MAPKAP1: variants seen among roughly 807,000 people sequenced by gnomAD.
MAPKAP1 encodes target of rapamycin complex 2 subunit MAPKAP1.
Under a neutral mutation model 65.7 loss-of-function variants are expected in MAPKAP1, and 20 were observed. The observed-to-expected ratio is 0.30, with a 90% CI of 0.21 to 0.44. The LOEUF (loss-of-function observed/expected upper bound fraction) is 0.44, where lower values mean the gene tolerates loss of function less well. Ranked by LOEUF, MAPKAP1 falls within the 20% of genes least tolerant of loss-of-function variation. MAPKAP1 has a pLI of 1.00. For synonymous variants in MAPKAP1, 222 were observed against 244.3 expected (o/e 0.91, Z 0.85); for missense variants, 423 against 648.0 (o/e 0.65, Z 3.77).
At chr9:125,522,080 T>C (rs1429496523) in intron 7 of MAPKAP1, among the ~76,000 whole-genome samples, 2 of 152,238 alleles carry the variant, frequency 1.3e-5, no homozygotes, top group African/African-American at 4.8e-5. Context: ...GATTATTCTT[T>C]GGCTAGCTTG....
intron 7 of MAPKAP1, among the ~76,000 whole-genome samples, chr9:125,541,505 A>T (rs1354823064): frequency 6.6e-6 from 1 of 152,204 alleles, no homozygotes; most frequent in Non-Finnish European, 1.5e-5. Flanking sequence ...AAGAGTAAAG[A>T]ACCAGGATCC....
chr9:125,581,861 C>T (rs191529335), intron 5 of MAPKAP1, among the ~76,000 whole-genome samples: 1 of 151,942 alleles, frequency 6.6e-6, no homozygotes, highest in African/African-American at 2.4e-5. Context: ...AAAGTCTCTT[C>T]TTCCGCCATT....
At chr9:125,594,559 C>A (rs1173214559) in intron 4 of MAPKAP1, among the ~76,000 whole-genome samples, 3 of 152,206 alleles carry the variant, frequency 2.0e-5, no homozygotes, top group Non-Finnish European at 2.9e-5. Context: ...AAACATAGCT[C>A]TTCTTCTGTC....
intron 7 of MAPKAP1, among the ~76,000 whole-genome samples, chr9:125,510,698 G>A (rs944001773): frequency 1.3e-5 from 2 of 152,214 alleles, no homozygotes; most frequent in African/African-American, 2.4e-5. Flanking sequence ...CAACCTGGGG[G>A]AAGGCAGGGT....
intron 5 of MAPKAP1, among the ~76,000 whole-genome samples, chr9:125,577,061 T>C (rs1435589574): frequency 2.9e-4 from 43 of 147,972 alleles, no homozygotes; most frequent in Non-Finnish European, 6.1e-4. Flanking sequence ...CGCCATCCCA[T>C]CTAGGAAGTG....
chr9:125,639,762 G>T (rs1284659299), intron 4 of MAPKAP1, among the ~76,000 whole-genome samples: 1 of 152,166 alleles, frequency 6.6e-6, no homozygotes, highest in Non-Finnish European at 1.5e-5. Flanking sequence ...GGAGAAAGAA[G>T]TTTACATGGC....
chr9:125,486,573 T>C (rs554317122), intron 8 of MAPKAP1, among the ~76,000 whole-genome samples: 9 of 152,362 alleles, frequency 5.9e-5, no homozygotes, highest in Admixed American at 5.9e-4. Flanking sequence ...GCAAGTATTT[T>C]AAGTCAAAGT....
At chr9:125,495,368 C>A (rs1325363039) in intron 8 of MAPKAP1, among the ~76,000 whole-genome samples, 2 of 152,190 alleles carry the variant, frequency 1.3e-5, no homozygotes, top group South Asian at 2.1e-4. Context: ...AGGAGCCTAT[C>A]AGAGGGATGC....
intron 4 of MAPKAP1, among the ~76,000 whole-genome samples, chr9:125,644,458 A>C (rs989744717): frequency 1.3e-5 from 2 of 152,240 alleles, no homozygotes; most frequent in African/African-American, 2.4e-5. Flanking sequence ...AATCACTGCT[A>C]ATGTTAAGAG....
Position 125,698,314 on chromosome 9 carries a change from TATATATATATATATATATATATAA to T in MAPKAP1, c.-70+8633_-70+8656del, listed in dbSNP as rs1564622545. Reference sequence around the variant, plus strand: ...ATATATATATATATATATATATATATATATATATATATATATATATATAAAATATATATATTTTTTGAGATGGAG... The same window carrying T: ...ATATATATATATATATATATATATATAATATATATATTTTTTGAGATGGAG... On this transcript the variant is annotated intron_variant, in intron 1 of 11. Transcript: ENST00000265960. Among the ~76,000 whole-genome samples the T allele has an allele frequency of 1.4e-4, 8 of 56,318 alleles. 1 individual carries two copies. In the South Asian group the frequency reaches 3.1e-3, roughly 22 times the overall value. 36.9% of individuals were successfully genotyped at this position (56,318 alleles called of 152,430 possible).
intron 4 of MAPKAP1, among the ~76,000 whole-genome samples, chr9:125,593,878 T>C (rs1468134177): frequency 6.6e-6 from 1 of 152,248 alleles, no homozygotes; most frequent in African/African-American, 2.4e-5. Context: ...CTCCCTGACC[T>C]GATGGCTTTG....
intron 5 of MAPKAP1, among the ~76,000 whole-genome samples, chr9:125,584,961 A>C (rs1324799960): frequency 6.6e-6 from 1 of 152,220 alleles, no homozygotes; most frequent in African/African-American, 2.4e-5. Flanking sequence ...CTAGTGACTG[A>C]GAGAAAATTA....
At chr9:125,661,278 T>C (rs1302415873) in intron 3 of MAPKAP1, among the ~76,000 whole-genome samples, 1 of 152,138 alleles carries the variant, frequency 6.6e-6, no homozygotes, top group African/African-American at 2.4e-5. Context: ...ATTCGGAAGA[T>C]CAAGGAAAAT....
intron 10 of MAPKAP1, among the ~76,000 whole-genome samples, chr9:125,451,895 C>T (rs1281958990): frequency 2.6e-5 from 4 of 151,298 alleles, no homozygotes; most frequent in East Asian, 1.9e-4. Flanking sequence ...CTGCAACCTC[C>T]GCCTCCCAAG....
In MAPKAP1 at chr9:125,707,175, A is replaced by G; in HGVS notation, c.-274T>C. 5.0e-6 allele frequency: 2 copies of G among 397,578 alleles called. No individual in the cohort carries two copies. The highest frequency in any genetic ancestry group is 4.4e-6 in the Non-Finnish European group (1 of 225,472). 24.6% of individuals were successfully genotyped at this position (397,578 alleles called of 1,614,324 possible). A position where few individuals can be genotyped will look rare whatever the true frequency, so the allele number is the denominator to read the frequency against. On this transcript the variant is annotated 5_prime_UTR_variant, in exon 1 of 12. Transcript: ENST00000265960. ...GCTGCTCGCCGCCGCCGGCCGGCCG[A>G]GCAGCAGCCCTATTACCCCGAGCCG...
intron 8 of MAPKAP1, among the ~76,000 whole-genome samples, chr9:125,488,437 C>A (rs536828573): frequency 3.7e-4 from 57 of 152,302 alleles, no homozygotes; most frequent in African/African-American, 1.3e-3. Context: ...GAGATCTTGG[C>A]TCACTGCAAC....
At chr9:125,681,435 T>G (rs1018263079) in intron 1 of MAPKAP1, among the ~76,000 whole-genome samples, 1 of 152,218 alleles carries the variant, frequency 6.6e-6, no homozygotes, top group East Asian at 1.9e-4. Context: ...GATTAAGTCA[T>G]CAGGGACAAG....
rs1833256985 is a variant in MAPKAP1, at chr9:125,630,768, G to A, written c.498+26883C>T. Among the ~76,000 whole-genome samples, 3 of 152,186 alleles carry A rather than the reference G, an allele frequency of 2.0e-5. No individual in the cohort carries two copies. The South Asian group carries it at 6.2e-4, about 32-fold the overall frequency. On this transcript the variant is annotated intron_variant, in intron 4 of 11. Transcript: ENST00000265960. ...AATGGGAGGTGTTTGGATCATGGAG[G>A]CAGATCCCTCATGAATAAATTAATA...
intron 6 of MAPKAP1, among the ~76,000 whole-genome samples, chr9:125,545,617 G>A (rs138813992): frequency 7.7e-4 from 117 of 152,256 alleles, no homozygotes; most frequent in Non-Finnish European, 1.3e-3. Context: ...ATCTGCTGCC[G>A]GCTGACAGCA....
Sources: gnomAD v4.1 joint callset for allele counts (sites outside exome capture counted in the v4.1 genomes callset) on GRCh38, gnomAD v4.1.1 for gene constraint, MANE v1.5 for transcripts, NCBI Gene and HGNC (gene_info 2026-07-23, HGNC 2026-07-21) for gene names.